NUP205: variants seen among roughly 807,000 people sequenced by gnomAD.
NUP205 encodes the protein nuclear pore complex protein Nup205.
In NUP205, 76 loss-of-function variants were observed where a neutral mutation model predicts 253.8. The ratio of observed to expected loss-of-function variants is 0.30; its 90% confidence interval spans 0.25 to 0.36. NUP205 has a LOEUF of 0.36. NUP205 is among the 10% of genes least tolerant of loss of function. The pLI, the probability that NUP205 is intolerant of heterozygous loss-of-function variation, is 1.00. For missense variants in NUP205, 2,162 were observed against 2,425.5 expected, an observed-to-expected ratio of 0.89 and a Z score of 2.28; for synonymous variants, 832 against 850.1, an observed-to-expected ratio of 0.98 and a Z score of 0.37.
At chr7:135,585,898 A>G (rs993398353) in intron 8 of NUP205, among the ~76,000 whole-genome samples, 1 of 152,174 alleles carries the variant, frequency 6.6e-6, no homozygotes, top group Non-Finnish European at 1.5e-5. Context: ...GGATACAGGT[A>G]AAATAATGAA....
chr7:135,601,008 A>G (rs1305841172), intron 16 of NUP205, 39 bp downstream of exon 16: 2 of 1,036,922 alleles, frequency 1.9e-6, no homozygotes, highest in East Asian at 2.5e-5. Flanking sequence ...GTTGTCAACT[A>G]TTTATAATTT....
At chr7:135,592,838 G>A in intron 11 of NUP205, 149 bp from the exon 12 acceptor site, 2 of 623,428 alleles carry the variant, frequency 3.2e-6, no homozygotes, top group South Asian at 4.0e-5. Context: ...AGTGAGCTGA[G>A]ATTGCCCCTC....
intron 22 of NUP205, among the ~76,000 whole-genome samples, chr7:135,613,352 CTATT>C (rs1452115827): frequency 4.0e-5 from 6 of 151,198 alleles, no homozygotes; most frequent in East Asian, 1.9e-4. Context: ...TTTCTCTTAT[CTATT>C]CTTTTTTGTT....
At chr7:135,638,179 G>C in intron 37 of NUP205, 120 bp downstream of exon 37, 1 of 1,020,576 alleles carries the variant, frequency 9.8e-7, no homozygotes, top group Non-Finnish European at 1.4e-6. Flanking sequence ...GGAGGCCAAG[G>C]CGGATGGATC....
chr7:135,589,251 G>A (rs1806557299), intron 10 of NUP205, among the ~76,000 whole-genome samples: 1 of 148,614 alleles, frequency 6.7e-6, no homozygotes, highest in East Asian at 1.9e-4. Context: ...TATGCAATGT[G>A]TGTGTGTGTG....
chr7:135,632,433 A>G (rs77515682), intron 35 of NUP205, among the ~76,000 whole-genome samples: 7,570 of 152,110 alleles, frequency 0.05, 405 homozygotes, highest in African/African-American at 0.13. Context: ...GAATCTATAT[A>G]TGTAACTACG....
At chr7:135,584,483 T>C (rs542557249) in intron 7 of NUP205, among the ~76,000 whole-genome samples, 3 of 152,352 alleles carry the variant, frequency 2.0e-5, no homozygotes, top group Non-Finnish European at 4.4e-5. Flanking sequence ...TGAGATTTCA[T>C]TGGGATTAAA....
intron 18 of NUP205, among the ~76,000 whole-genome samples, chr7:135,603,863 G>A (rs1794023177): frequency 6.6e-6 from 1 of 152,094 alleles, no homozygotes; most frequent in African/African-American, 2.4e-5. Context: ...GGGAAACTAG[G>A]TGTTTGGAGG....
At chr7:135,622,437 GA>G (rs78117816) in intron 30 of NUP205, among the ~76,000 whole-genome samples, 82 of 140,714 alleles carry the variant, frequency 5.8e-4, no homozygotes, top group South Asian at 4.6e-3. Flanking sequence ...AAAAAAGAAG[GA>G]AAAAAAAAAA....
At chr7:135,581,349 A>C (rs1806298673) in intron 7 of NUP205, among the ~76,000 whole-genome samples, 1 of 151,490 alleles carries the variant, frequency 6.6e-6, no homozygotes, top group East Asian at 2.0e-4. Context: ...TTCATGACAA[A>C]CCTGGGCAAT....
intron 1 of NUP205, among the ~76,000 whole-genome samples, chr7:135,561,261 T>A (rs138495275): frequency 1.6e-4 from 24 of 152,222 alleles, no homozygotes; most frequent in Non-Finnish European, 2.4e-4. Flanking sequence ...GGAGAATTGC[T>A]TGAACCCAGG....
At chr7:135,620,597 A>G (rs1794453995) in intron 30 of NUP205, among the ~76,000 whole-genome samples, 1 of 152,230 alleles carries the variant, frequency 6.6e-6, no homozygotes, top group South Asian at 2.1e-4. Context: ...TTCCTTATTC[A>G]CAGGCATTTC....
At position 135,564,060 on chromosome 7, in the gene NUP205, G is replaced by A. The variant is rs530648680; in HGVS notation, c.28+6088G>A. Reference sequence around the variant, plus strand: ...CAGATTGAAGATAACTCTTTGTTGCGGCTACCTTTGGTGTTTTTTTTTTCT... The same window carrying A: ...CAGATTGAAGATAACTCTTTGTTGCAGCTACCTTTGGTGTTTTTTTTTTCT... On this transcript the variant is annotated intron_variant, in intron 1 of 42. Transcript: ENST00000285968. Among the ~76,000 whole-genome samples the A allele has an allele frequency of 3.3e-4, 50 of 151,838 alleles. 2 individuals are homozygous for A. The highest frequency in any genetic ancestry group is 1.1e-3 in the African/African-American group (47 of 41,298).
Position 135,625,340 on chromosome 7 carries a change from T to G in NUP205, c.4656T>G (p.Thr1552=), listed in dbSNP as rs775802893. 3 of 1,591,090 alleles carry G rather than the reference T, an allele frequency of 1.9e-6. No individual in the cohort carries two copies. In the South Asian group the frequency reaches 3.4e-5, roughly 18 times the overall value. ...PQPPLLKALY[T]YESKMAFLTR... ...CTCCCCTTTTAAAAGCACTTTATAC[T>G]TATGAATCTAAAATGGTAAGGCTTT... The change falls in exon 32 of 43, where the codon ACT becomes ACG. Residue 1552 remains threonine (T), a synonymous_variant. Transcript: ENST00000285968.
chr7:135,624,149 A>G (rs909638200), intron 31 of NUP205, among the ~76,000 whole-genome samples: 2 of 152,200 alleles, frequency 1.3e-5, no homozygotes, highest in Non-Finnish European at 2.9e-5. Flanking sequence ...GGTAGGAGAC[A>G]GACCAAAATG....
At chr7:135,626,382 A>AT in intron 33 of NUP205, 21 bp downstream of exon 33, 2 of 1,599,542 alleles carry the variant, frequency 1.3e-6, no homozygotes, top group South Asian at 2.3e-5. Flanking sequence ...GTATAGATTA[A>AT]TTTGGTTAAA....
intron 19 of NUP205, among the ~76,000 whole-genome samples, chr7:135,604,961 C>T (rs919245780): frequency 6.6e-6 from 1 of 152,000 alleles, no homozygotes; most frequent in Non-Finnish European, 1.5e-5. Context: ...CACTGAATAC[C>T]TACAATTGCG....
At position 135,587,684 on chromosome 7, in the gene NUP205, T is replaced by C. The variant is rs1806508744; in HGVS notation, c.1328T>C (p.Met443Thr). The C allele has an allele frequency of 1.3e-6, 2 of 1,593,718 alleles. No individual in the cohort carries two copies. Among genetic ancestry groups the C allele is most frequent in the East Asian group, 2.2e-5 (1 of 44,738 alleles). Reference protein sequence around the residue: ...ISLRRDLEHLMLLIGELYKKN... With the variant: ...ISLRRDLEHLTLLIGELYKKN... ...CTTAGAAGGGACCTGGAACACTTAATGCTTTTGGTAAGCCATTATATTAGA... is the reference window on the plus strand; with the variant it reads ...CTTAGAAGGGACCTGGAACACTTAACGCTTTTGGTAAGCCATTATATTAGA... The change falls in exon 9 of 43, where the codon ATG becomes ACG. Residue 443 changes from methionine (M) to threonine (T), a missense_variant. By Grantham distance (81) the Met-to-Thr change is moderately conservative. Coordinates refer to ENST00000285968, the MANE Select transcript of NUP205 (RefSeq NM_015135.3).
chr7:135,597,199 C>T, intron 13 of NUP205, 169 bp from the exon 14 acceptor site: 1 of 481,440 alleles, frequency 2.1e-6, no homozygotes, highest in African/African-American at 1.9e-5. Context: ...CTCAACCTGG[C>T]AGAACTGCTA....
Sources: allele counts gnomAD v4.1 joint callset (sites outside exome capture counted in the v4.1 genomes callset), GRCh38; gene constraint gnomAD v4.1.1; transcripts MANE v1.5; gene names NCBI Gene and HGNC (gene_info 2026-07-23, HGNC 2026-07-21).